NDST1: variants seen among roughly 807,000 people sequenced by gnomAD.
NDST1 encodes the protein bifunctional heparan sulfate N-deacetylase/N-sulfotransferase 1.
In NDST1, 35 loss-of-function variants were observed where a neutral mutation model predicts 92.8. The ratio of observed to expected loss-of-function variants is 0.38; its 90% confidence interval spans 0.29 to 0.50. The LOEUF (loss-of-function observed/expected upper bound fraction) is 0.50. Among genes scored for constraint, NDST1 ranks in the 20% least tolerant of loss-of-function variants. NDST1 has a pLI of 0.94. For missense variants in NDST1, 822 were observed against 1,182.7 expected (o/e 0.69, Z 4.47); for synonymous variants, 493 against 500.3 (o/e 0.99, Z 0.19).
upstream of NDST1, among the ~76,000 whole-genome samples, chr5:150,506,783 G>A (rs28734495): frequency 1.3e-5 from 2 of 151,860 alleles, no homozygotes; most frequent in East Asian, 1.9e-4. Flanking sequence ...AGCTTTTGTC[G>A]TGATGACAAG....
In NDST1 at chr5:150,553,504, T is replaced by C. The variant is rs1755806045; in HGVS notation, c.*172T>C. 1.1e-6 allele frequency: 1 copy of C among 876,312 alleles called. No homozygotes were observed. Among genetic ancestry groups the C allele is most frequent in the Non-Finnish European group, 1.8e-6 (1 of 543,304 alleles). The allele number at this position is 876,312 out of a possible 1,614,324, so 54.3% of individuals were successfully genotyped here. A position where few individuals can be genotyped will look rare whatever the true frequency, so the allele number is the denominator to read the frequency against. ...GCACCCAGGCGGATCTGCAAGCACCTCGGAGCACCCACCGCTGGGTCTGCG... is the reference window on the plus strand; with the variant it reads ...GCACCCAGGCGGATCTGCAAGCACCCCGGAGCACCCACCGCTGGGTCTGCG... On this transcript the variant is annotated 3_prime_UTR_variant, in exon 15 of 15. Coordinates refer to ENST00000261797, the MANE Select transcript of NDST1 (RefSeq NM_001543.5). This position sits in a 1 kb window ranked among gnomAD's most constrained non-coding sequence, Gnocchi z 4.2.
rs755612825 is a variant in NDST1 at position 150,521,281 on chromosome 5, G to C, written c.27G>C (p.Arg9Ser). The C allele has an allele frequency of 7.4e-6, 12 of 1,611,396 alleles. No individual in the cohort carries two copies. The highest frequency in any genetic ancestry group is 9.3e-6 in the Non-Finnish European group (11 of 1,179,770). The change falls in exon 2 of 15, where the codon AGG (arginine) becomes AGC (serine). Residue 9 changes from arginine (R) to serine (S), a missense_variant. Coordinates refer to ENST00000261797, the MANE Select transcript of NDST1 (RefSeq NM_001543.5). The surrounding 1 kb of genome is among the most constrained non-coding windows in gnomAD (Gnocchi z 5.9). Reference protein sequence around the residue: MPALACLRRLCRHVSPQAV... With the variant: MPALACLRSLCRHVSPQAV... ...TGCCTGCCCTGGCATGCCTCCGGAGGCTGTGTCGGCACGTGTCCCCGCAGG... is the reference window on the plus strand; with the variant it reads ...TGCCTGCCCTGGCATGCCTCCGGAGCCTGTGTCGGCACGTGTCCCCGCAGG...
At chr5:150,516,105 C>A (rs1055755821) in intron 1 of NDST1, among the ~76,000 whole-genome samples, 35 of 152,364 alleles carry the variant, frequency 2.3e-4, no homozygotes, top group Admixed American at 2.6e-4. Context: ...GTAAGGGCCA[C>A]AGCCTCCAAA....
At chr5:150,501,087 T>TTTG (rs139483739) in intron 1 of NDST1, among the ~76,000 whole-genome samples, 4,373 of 152,254 alleles carry the variant, frequency 0.029, 387 homozygotes, top group Admixed American at 0.16. Flanking sequence ...CATCCCATTT[T>TTTG]TTGTTGTTGT....
rs998556886 is a variant in NDST1 at position 150,520,888 on chromosome 5, C to G, written c.-367C>G. The G allele has an allele frequency of 2.1e-6, 1 of 479,670 alleles. No homozygotes were observed. The highest frequency in any genetic ancestry group is 3.7e-5 in the Admixed American group (1 of 26,794). The allele number at this position is 479,670 out of a possible 1,614,324, so 29.7% of individuals were successfully genotyped here. A position where few individuals can be genotyped will look rare whatever the true frequency, so the allele number is the denominator to read the frequency against. On this transcript the variant is annotated 5_prime_UTR_variant, in exon 2 of 15. Transcript: ENST00000261797. Reference sequence around the variant, plus strand: ...CACAGCCTTAGCCCCGTGGGCCCCACGGAGTGAGCGGCATGCAGCACCCCC... The same window carrying G: ...CACAGCCTTAGCCCCGTGGGCCCCAGGGAGTGAGCGGCATGCAGCACCCCC...
chr5:150,518,937 C>G (rs150949995), intron 1 of NDST1: 1 of 152,040 alleles, frequency 6.6e-6, no homozygotes. Context: ...TCACCACGCC[C>G]GACTAGTTTT....
Position 150,553,656 on chromosome 5 carries a change from C to G in NDST1, c.*324C>G. 2.4e-6 allele frequency: 1 copy of G among 419,910 alleles called. No individual in the cohort carries two copies. The highest frequency in any genetic ancestry group is 2.1e-5 in the South Asian group (1 of 48,178). 26.0% of individuals were successfully genotyped at this position (419,910 alleles called of 1,614,324 possible). On this transcript the variant is annotated 3_prime_UTR_variant, in exon 15 of 15. Transcript: ENST00000261797. The surrounding 1 kb of genome is among the most constrained non-coding windows in gnomAD (Gnocchi z 4.2). ...CCCTCACTGTGTTCCGCCGACTGTC[C>G]CCTCTCGTCACCCATCACTCCCTGC...
intron 1 of NDST1, among the ~76,000 whole-genome samples, chr5:150,516,632 G>C (rs1413280202): frequency 1.3e-5 from 2 of 152,130 alleles, no homozygotes; most frequent in Non-Finnish European, 2.9e-5. Flanking sequence ...TCTGTGGATG[G>C]GTGGCAGGGA....
At chr5:150,508,577 T>C (rs1215778996) in intron 1 of NDST1, among the ~76,000 whole-genome samples, 2 of 152,170 alleles carry the variant, frequency 1.3e-5, no homozygotes, top group Admixed American at 6.5e-5. Flanking sequence ...CAAATCCACC[T>C]GAAGCCAGCA....
At chr5:150,525,875 C>T (rs775536314) in intron 2 of NDST1, among the ~76,000 whole-genome samples, 5 of 152,186 alleles carry the variant, frequency 3.3e-5, no homozygotes, top group Non-Finnish European at 7.4e-5. Flanking sequence ...CCCACTCACT[C>T]TCCAGGCAGC....
At position 150,521,700 on chromosome 5, in the gene NDST1, C is replaced by T. The variant is rs150722562; in HGVS notation, c.446C>T (p.Ala149Val). The change falls in exon 2 of 15, where the codon GCC (alanine) becomes GTC (valine). Residue 149 changes from alanine to valine, a missense_variant. By Grantham distance (64) the Ala-to-Val change is moderately conservative. Coordinates refer to ENST00000261797, the MANE Select transcript of NDST1 (RefSeq NM_001543.5). The surrounding 1 kb of genome is among the most constrained non-coding windows in gnomAD (Gnocchi z 5.9). ...ENILKYVNLD[A>V]WNRELLDKYC... ...ATCCTCAAGTATGTCAACCTGGACG[C>T]CTGGAACCGGGAGCTGCTGGACAAG... 1.2e-6 allele frequency: 2 copies of T among 1,613,958 alleles called. No individual in the cohort carries two copies. Among genetic ancestry groups the T allele is most frequent in the African/African-American group, 2.7e-5 (2 of 74,912 alleles).
In NDST1 at chr5:150,521,883, G is replaced by T; in HGVS notation, c.513+116G>T. 1.5e-6 allele frequency: 2 copies of T among 1,372,182 alleles called. No homozygotes were observed. Among genetic ancestry groups the T allele is most frequent in the Non-Finnish European group, 2.0e-6 (2 of 982,794 alleles). The allele number at this position is 1,372,182 out of a possible 1,614,324, so 85.0% of individuals were successfully genotyped here. On this transcript the variant is annotated intron_variant, in intron 2 of 14. Coordinates refer to ENST00000261797, the MANE Select transcript of NDST1 (RefSeq NM_001543.5). The surrounding 1 kb of genome is among the most constrained non-coding windows in gnomAD (Gnocchi z 5.9). ...CACCCGCCTCCTGGGGTTGTTGGGA[G>T]GGTTAAATGAGTGAGTATATGTAAA...
At chr5:150,548,879 C>CCCAAGCCTGTGTCCCATCA (rs1333633710) in intron 12 of NDST1, among the ~76,000 whole-genome samples, 1 of 152,116 alleles carries the variant, frequency 6.6e-6, no homozygotes, top group Admixed American at 6.5e-5. Flanking sequence ...ATGAGAACTC[C>CCCAAGCCTGTGTCCCATCA]CCAAGCCTGT....
chr5:150,520,161 A>T (rs905343977), intron 1 of NDST1, among the ~76,000 whole-genome samples: 7 of 152,102 alleles, frequency 4.6e-5, no homozygotes, highest in Non-Finnish European at 1.0e-4. Context: ...CCTCAGACAT[A>T]TTTACTTAAC....
chr5:150,507,327 T>C (rs920094458), upstream of NDST1, among the ~76,000 whole-genome samples: 2 of 152,220 alleles, frequency 1.3e-5, no homozygotes, highest in African/African-American at 4.8e-5. Flanking sequence ...CAGGTTGCCT[T>C]GTGCTCTCCT....
At chr5:150,546,527 C>G (rs959837704) in intron 11 of NDST1, among the ~76,000 whole-genome samples, 1 of 152,256 alleles carries the variant, frequency 6.6e-6, no homozygotes, top group African/African-American at 2.4e-5. Context: ...CCTCGTTAAC[C>G]CAGCAGACCA....
rs541050992 is a variant in NDST1, at chr5:150,551,935, C to G, written c.2529+80C>G. The G allele has an allele frequency of 3.9e-5, 61 of 1,571,476 alleles. No homozygotes were observed. In the African/African-American group the frequency reaches 8.1e-4, roughly 21 times the overall value. On this transcript the variant is annotated intron_variant, in intron 14 of 14. Transcript: ENST00000261797. ...ATGGAGTTGAGGGGGATTCTCTTTCCTTTACCATGCACTCAGCATGTTCAT... is the reference window on the plus strand; with the variant it reads ...ATGGAGTTGAGGGGGATTCTCTTTCGTTTACCATGCACTCAGCATGTTCAT...
intron 13 of NDST1, chr5:150,550,680 C>T (rs1755683872): frequency 6.6e-6 from 1 of 152,334 alleles, no homozygotes; most frequent in Admixed American, 6.5e-5. Flanking sequence ...ATTCCGTCTT[C>T]ACTGTCGTGG....
chr5:150,511,538 C>T lies in NDST1; in HGVS notation c.-388+3312C>T, dbSNP rs115745908. On this transcript the variant is annotated intron_variant, in intron 1 of 14. Coordinates refer to ENST00000261797, the MANE Select transcript of NDST1 (RefSeq NM_001543.5). ...GTAAATGAGAGTGGGGCACACCAGACGGCACAAGCCAGGAGGTCCTTTCCT... is the reference window on the plus strand; with the variant it reads ...GTAAATGAGAGTGGGGCACACCAGATGGCACAAGCCAGGAGGTCCTTTCCT... Among the ~76,000 whole-genome samples, 1,410 of 152,280 alleles carry T rather than the reference C, an allele frequency of 9.3e-3. 18 individuals are homozygous for T. Among genetic ancestry groups the T allele is most frequent in the African/African-American group, 0.032 (1,316 of 41,532 alleles).
Sources: allele counts gnomAD v4.1 joint callset (sites outside exome capture counted in the v4.1 genomes callset), GRCh38; gene constraint gnomAD v4.1.1; non-coding constraint Gnocchi (gnomAD v3.1); transcripts MANE v1.5; gene names NCBI Gene and HGNC (gene_info 2026-07-23, HGNC 2026-07-21).